Variants in OSBPL10 observed in about 807,000 individuals in gnomAD.
OSBPL10 encodes oxysterol binding protein like 10.
A neutral mutation model predicts 81.7 loss-of-function variants in OSBPL10; 49 were observed. The ratio of observed to expected loss-of-function variants is 0.60; its 90% CI spans 0.48 to 0.76. The LOEUF (loss-of-function observed/expected upper bound fraction) is 0.76. Ranked by LOEUF, OSBPL10 falls within the 30% of genes least tolerant of loss-of-function variation. The pLI is 0.00. For missense variants in OSBPL10, 923 were observed against 987.8 expected, an observed-to-expected ratio of 0.93 and a Z score of 0.88; for synonymous variants, 419 against 383.6, an observed-to-expected ratio of 1.09 and a Z score of -1.08.
intron 5 of OSBPL10, among the ~76,000 whole-genome samples, chr3:31,734,203 C>T (rs902902076): frequency 3.9e-5 from 6 of 152,164 alleles, no homozygotes; most frequent in Admixed American, 2.6e-4. Context: ...GAAGCCCCAT[C>T]ACCAAGGACA....
chr3:31,778,990 T>G (rs1002532386), intron 4 of OSBPL10, among the ~76,000 whole-genome samples: 6 of 152,198 alleles, frequency 3.9e-5, no homozygotes, highest in African/African-American at 1.4e-4. Flanking sequence ...GAAGGAGAGA[T>G]AAAGTCTTTC....
intron 1 of OSBPL10, among the ~76,000 whole-genome samples, chr3:31,975,229 T>C (rs995670171): frequency 5.9e-5 from 9 of 152,168 alleles, no homozygotes; most frequent in African/African-American, 2.2e-4. Flanking sequence ...AACTAGTTAG[T>C]GTCCCTAAAG....
intron 3 of OSBPL10, among the ~76,000 whole-genome samples, chr3:31,861,369 TATA>T (rs749502342): frequency 7.2e-5 from 11 of 152,196 alleles, no homozygotes; most frequent in Non-Finnish European, 1.0e-4. Flanking sequence ...CTAAATTACT[TATA>T]ATGTCTAATG....
At chr3:31,745,852 A>T (rs776791158) in intron 5 of OSBPL10, among the ~76,000 whole-genome samples, 4 of 152,230 alleles carry the variant, frequency 2.6e-5, no homozygotes, top group Non-Finnish European at 4.4e-5. Context: ...ATCTACTCTG[A>T]AAAACCAACA....
Position 31,827,464 on chromosome 3 carries a change from G to A in OSBPL10, c.729+2576C>T, listed in dbSNP as rs369331494. On this transcript the variant is annotated intron_variant, in intron 4 of 11. Transcript: ENST00000396556. ...AGCCTGGCTAACACGGTGAAACCCC[G>A]TCTCTACCAAAAATACAAAAAATTA... Among the ~76,000 whole-genome samples, 1,115 of 152,050 alleles carry A rather than the reference G, an allele frequency of 7.3e-3. 1 individual carries two copies. Among genetic ancestry groups the A allele is most frequent in the Middle Eastern group, 0.014 (4 of 292 alleles).
intron 2 of OSBPL10, chr3:31,986,414 G>A (rs1230387500): frequency 6.6e-6 from 1 of 152,124 alleles, no homozygotes; most frequent in Non-Finnish European, 1.5e-5. Flanking sequence ...ATTAAGGTAT[G>A]GACAGTCCAC....
intron 4 of OSBPL10, among the ~76,000 whole-genome samples, chr3:31,812,718 AAAAGAAAG>A (rs140026828): frequency 7.8e-3 from 327 of 41,718 alleles, no homozygotes; most frequent in Non-Finnish European, 0.012. Flanking sequence ...TAGGCAAAAA[AAAAGAAAG>A]AAAGAAAGAA....
At chr3:31,775,817 A>G (rs1272121332) in intron 4 of OSBPL10, among the ~76,000 whole-genome samples, 2 of 152,138 alleles carry the variant, frequency 1.3e-5, no homozygotes, top group Non-Finnish European at 2.9e-5. Context: ...GAGGAGCGGG[A>G]GAGAGAATGC....
intron 6 of OSBPL10, among the ~76,000 whole-genome samples, chr3:31,722,118 A>AC (rs1228528441): frequency 7.2e-5 from 11 of 152,064 alleles, no homozygotes; most frequent in African/African-American, 2.7e-4. Flanking sequence ...TTTAACTGCC[A>AC]CCCCCTCAAA....
chr3:31,915,200 G>A (rs1368663708), intron 1 of OSBPL10, among the ~76,000 whole-genome samples: 1 of 151,270 alleles, frequency 6.6e-6, no homozygotes, highest in African/African-American at 2.4e-5. Flanking sequence ...GGTAACAGGG[G>A]GGAAAAAAAA....
At chr3:31,993,522 T>C (rs550676626) in intron 2 of OSBPL10, among the ~76,000 whole-genome samples, 2 of 152,300 alleles carry the variant, frequency 1.3e-5, no homozygotes, top group East Asian at 3.9e-4. Context: ...AAACCCTTTT[T>C]TAATCACAAA....
At chr3:31,916,980 A>G (rs1335175445) in intron 1 of OSBPL10, among the ~76,000 whole-genome samples, 1 of 152,206 alleles carries the variant, frequency 6.6e-6, no homozygotes, top group Non-Finnish European at 1.5e-5. Context: ...TTTAGATTTC[A>G]AAAAATCGAT....
intron 1 of OSBPL10, among the ~76,000 whole-genome samples, chr3:31,971,285 C>G (rs1011428929): frequency 6.6e-6 from 1 of 151,934 alleles, no homozygotes; most frequent in African/African-American, 2.4e-5. Context: ...GGATTACGGG[C>G]GCATGCCACC....
At chr3:31,674,614 GATAGATAGATA>G (rs1157024427) in intron 8 of OSBPL10, among the ~76,000 whole-genome samples, 14 of 114,992 alleles carry the variant, frequency 1.2e-4, no homozygotes, top group South Asian at 2.7e-4. Context: ...TAGATAGATA[GATAGATAGATA>G]GATGGAAAAG....
At chr3:31,712,494 G>A (rs1282393623) in intron 6 of OSBPL10, among the ~76,000 whole-genome samples, 3 of 152,198 alleles carry the variant, frequency 2.0e-5, no homozygotes, top group Non-Finnish European at 1.5e-5. Context: ...ATCTTTCCAC[G>A]CTGTGGACAG....
intron 7 of OSBPL10, among the ~76,000 whole-genome samples, chr3:31,695,455 C>T (rs181493936): frequency 6.6e-6 from 1 of 152,262 alleles, no homozygotes; most frequent in East Asian, 1.9e-4. Flanking sequence ...TGTCCACCAC[C>T]CCCTTGTGGT....
Position 32,006,071 on chromosome 3 carries a change from A to G in OSBPL10, n.298+40420T>C, listed in dbSNP as rs567109849. ...GCAATTCTCCCACCTCAGCCTCCCA[A>G]GTAGCTGCGATTACAGATGAGCACC... is the stretch of plus-strand genomic sequence containing the variant. On this transcript the variant is annotated intron_variant and non_coding_transcript_variant, in intron 2 of 3. Transcript: ENST00000479173. Among the ~76,000 whole-genome samples, 8 of 151,862 alleles carry G rather than the reference A, an allele frequency of 5.3e-5. No individual in the cohort carries two copies. In the East Asian group the frequency reaches 1.4e-3, roughly 26 times the overall value.
At chr3:31,886,021 A>AAAAAAAAAAAAG (rs1695727356) in intron 1 of OSBPL10, among the ~76,000 whole-genome samples, 1 of 141,018 alleles carries the variant, frequency 7.1e-6, no homozygotes. Context: ...AAAAGAAAGA[A>AAAAAAAAAAAAG]AGAAAGAAAG....
chr3:31,878,662 C>T (rs1326426664), intron 2 of OSBPL10, among the ~76,000 whole-genome samples: 4 of 152,006 alleles, frequency 2.6e-5, no homozygotes, highest in South Asian at 2.1e-4. Flanking sequence ...ATCATGGTCA[C>T]GAACAGATAG....
Sources: gnomAD v4.1 joint callset for allele counts (sites outside exome capture counted in the v4.1 genomes callset) on GRCh38, gnomAD v4.1.1 for gene constraint, MANE v1.5 for transcripts, NCBI Gene and HGNC (gene_info 2026-07-23, HGNC 2026-07-21) for gene names.